Variants in CCNB3 observed in about 807,000 individuals in gnomAD.
CCNB3 encodes the protein cyclin B3.
In CCNB3, 12 loss-of-function variants were observed where a neutral mutation model predicts 68.0. The ratio of observed to expected loss-of-function variants is 0.18; its 90% CI spans 0.11 to 0.29. CCNB3 has a LOEUF of 0.29. Among genes scored for constraint, CCNB3 ranks in the 10% least tolerant of loss-of-function variants. The probability of loss-of-function intolerance (pLI) is 1.00; values close to 1 mark genes in which losing one functional copy is unlikely to be tolerated. For synonymous variants in CCNB3, 354 were observed against 388.9 expected (o/e 0.91, Z 1.06); for missense variants, 904 against 993.1 (o/e 0.91, Z 1.21).
intron 7 of CCNB3, among the ~76,000 whole-genome samples, chrX:50,313,538 C>T (rs1363474172): frequency 1.8e-5 from 2 of 112,143 alleles, no homozygotes; most frequent in African/African-American, 6.5e-5. Context: ...CACTGCTCTA[C>T]ATAGCATGGT....
intron 5 of CCNB3, among the ~76,000 whole-genome samples, chrX:50,305,299 T>C (rs1557213338): frequency 8.9e-6 from 1 of 111,924 alleles, no homozygotes. Context: ...ATGTGGCATA[T>C]ATACACCATG....
intron 1 of CCNB3, among the ~76,000 whole-genome samples, chrX:50,214,475 C>CATATATATATATATATATATCTATATAT (rs1935531528): frequency 1.1e-4 from 1 of 9,467 alleles, no homozygotes; most frequent in Non-Finnish European, 5.1e-4. Context: ...AGCTGTGGCC[C>CATATATATATATATATATATCTATATAT]ATATATATAT....
intron 1 of CCNB3, among the ~76,000 whole-genome samples, chrX:50,224,072 C>T (rs1159173007): frequency 9.1e-6 from 1 of 109,942 alleles, no homozygotes; most frequent in African/African-American, 3.3e-5. Context: ...TTTTTTTTAA[C>T]CTTGCTTTGC....
Position 50,285,088 on chromosome X carries a change from T to C in CCNB3, c.-37-39T>C, listed in dbSNP as rs1936211272. 26 of 742,712 alleles carry C rather than the reference T, an allele frequency of 3.5e-5. No individual in the cohort carries two copies. In the South Asian group the frequency reaches 5.5e-4, roughly 16 times the overall value. The allele number at this position is 742,712 out of a possible 1,213,427, so 61.2% of individuals were successfully genotyped here. ...GAATTTTCAGAGAATTTATCGTGTTTCTGGTGAATGGTGTTAAAGAGCCTC... is the reference window on the plus strand; with the variant it reads ...GAATTTTCAGAGAATTTATCGTGTTCCTGGTGAATGGTGTTAAAGAGCCTC... On this transcript the variant is annotated intron_variant, in intron 2 of 12. Transcript: ENST00000376042.
chrX:50,283,260 C>A (rs1432196323), intron 1 of CCNB3, among the ~76,000 whole-genome samples: 2 of 111,196 alleles, frequency 1.8e-5, no homozygotes, highest in African/African-American at 3.3e-5. Flanking sequence ...CATACTATGG[C>A]CTTTCACTGT....
At chrX:50,223,254 C>A (rs1474380365) in intron 1 of CCNB3, among the ~76,000 whole-genome samples, 5 of 111,207 alleles carry the variant, frequency 4.5e-5, no homozygotes, top group Non-Finnish European at 1.9e-5. Flanking sequence ...CCTTCTGAAG[C>A]CTACTTCTGT....
At chrX:50,320,890 G>A (rs1228690212) in intron 8 of CCNB3, among the ~76,000 whole-genome samples, 1 of 110,862 alleles carries the variant, frequency 9.0e-6, no homozygotes, top group Non-Finnish European at 1.9e-5. Flanking sequence ...TTATATGATT[G>A]CAATCATCTT....
At chrX:50,317,083 T>C (rs965565178) in intron 8 of CCNB3, among the ~76,000 whole-genome samples, 2 of 112,627 alleles carry the variant, frequency 1.8e-5, no homozygotes, top group Admixed American at 1.9e-4. Flanking sequence ...TCTGCATTCT[T>C]GTCAGCACTT....
intron 3 of CCNB3, among the ~76,000 whole-genome samples, chrX:50,285,723 T>G (rs944505713): frequency 8.9e-6 from 1 of 111,880 alleles, no homozygotes; most frequent in Non-Finnish European, 1.9e-5. Flanking sequence ...CCTTAGGATA[T>G]TCTGTGTTCA....
intron 1 of CCNB3, among the ~76,000 whole-genome samples, chrX:50,280,043 GAATA>G (rs1484348192): frequency 0.011 from 644 of 59,231 alleles, 6 homozygotes; most frequent in African/African-American, 0.038. Flanking sequence ...TATATAGACA[GAATA>G]TATATAAATA....
At chrX:50,214,476 A>T (rs1292748604) in intron 1 of CCNB3, among the ~76,000 whole-genome samples, 1 of 12,929 alleles carries the variant, frequency 7.7e-5, no homozygotes, top group Admixed American at 1.1e-3. Flanking sequence ...GCTGTGGCCC[A>T]TATATATATA....
intron 5 of CCNB3, among the ~76,000 whole-genome samples, chrX:50,302,594 T>G (rs1276908517): frequency 1.8e-5 from 2 of 111,666 alleles, no homozygotes; most frequent in Non-Finnish European, 3.8e-5. Flanking sequence ...AAAGAAACCC[T>G]GTACCTTTGG....
intron 1 of CCNB3, among the ~76,000 whole-genome samples, chrX:50,219,606 C>CTCTGT (rs1935637578): frequency 9.1e-6 from 1 of 110,458 alleles, no homozygotes; most frequent in African/African-American, 3.3e-5. Flanking sequence ...TTTCTGAGGC[C>CTCTGT]TCTGTTCTGT....
At chrX:50,327,763 A>G (rs73213614) in intron 8 of CCNB3, among the ~76,000 whole-genome samples, 5,950 of 111,922 alleles carry the variant, frequency 0.053, 145 homozygotes, top group Non-Finnish European at 0.08. Flanking sequence ...AGACAGTGTG[A>G]TAGGCAGAAG....
At chrX:50,207,368 T>TGCCTTGTGGTGTATTTGTTTCATTATGA (rs1415383711) in intron 1 of CCNB3, among the ~76,000 whole-genome samples, 13 of 112,311 alleles carry the variant, frequency 1.2e-4, no homozygotes, top group African/African-American at 2.9e-4. Context: ...TATCACATTC[T>TGCCTTGTGGTGTATTTGTTTCATTATGA]GCCTTGTGGT....
chrX:50,294,728 C>T, intron 4 of CCNB3, 135 bp from the exon 5 acceptor site: 1 of 664,435 alleles, frequency 1.5e-6, no homozygotes, highest in Non-Finnish European at 2.2e-6. Context: ...TTTGGATTAT[C>T]ACTCCTGGGA....
chrX:50,296,138 A>G (rs1557210867), intron 5 of CCNB3, among the ~76,000 whole-genome samples: 2 of 109,190 alleles, frequency 1.8e-5, no homozygotes, highest in African/African-American at 3.3e-5. Flanking sequence ...TTTTATTATT[A>G]TTATTATTAT....
At chrX:50,281,166 A>T (rs911174733) in intron 1 of CCNB3, among the ~76,000 whole-genome samples, 1 of 111,258 alleles carries the variant, frequency 9.0e-6, no homozygotes, top group Admixed American at 9.6e-5. Flanking sequence ...CTTCAGAGGC[A>T]GAGTTGGATT....
intron 1 of CCNB3, among the ~76,000 whole-genome samples, chrX:50,282,293 G>A (rs1427541367): frequency 4.5e-5 from 5 of 111,465 alleles, no homozygotes; most frequent in African/African-American, 1.6e-4. Flanking sequence ...CTAGACCTTA[G>A]GCATCCTTCC....
Sources: allele counts gnomAD v4.1 joint callset (sites outside exome capture counted in the v4.1 genomes callset), GRCh38; gene constraint gnomAD v4.1.1; transcripts MANE v1.5; gene names NCBI Gene and HGNC (gene_info 2026-07-23, HGNC 2026-07-21).